The following DIAPH1 variants were observed in gnomAD, a reference collection of about 807,000 sequenced individuals.
The protein encoded by DIAPH1 is protein diaphanous homolog 1.
Under a neutral mutation model 140.7 loss-of-function variants are expected in DIAPH1, and 46 were observed. The observed-to-expected ratio is 0.33, with a 90% CI of 0.26 to 0.42. The LOEUF (loss-of-function observed/expected upper bound fraction) is 0.42, where lower values mean the gene tolerates loss of function less well. Among genes scored for constraint, DIAPH1 ranks in the 10% least tolerant of loss-of-function variants. The pLI is 1.00. For missense variants in DIAPH1, 1,310 were observed against 1,558.7 expected, an observed-to-expected ratio of 0.84 and a Z score of 2.69; for synonymous variants, 565 against 551.6, an observed-to-expected ratio of 1.02 and a Z score of -0.34.
intron 1 of DIAPH1, among the ~76,000 whole-genome samples, chr5:141,617,056 A>T (rs1362578758): frequency 6.6e-6 from 1 of 152,238 alleles, no homozygotes; most frequent in South Asian, 2.1e-4. Flanking sequence ...CAAGTCACTG[A>T]GGTCACCACA....
At chr5:141,572,916 T>A (rs2099895409) in intron 16 of DIAPH1, among the ~76,000 whole-genome samples, 1 of 152,196 alleles carries the variant, frequency 6.6e-6, no homozygotes, top group East Asian at 1.9e-4. Flanking sequence ...TGTGTTACCA[T>A]GGTATTCACA....
intron 27 of DIAPH1, among the ~76,000 whole-genome samples, chr5:141,520,919 G>C (rs1387535593): frequency 6.6e-6 from 1 of 151,978 alleles, no homozygotes; most frequent in Non-Finnish European, 1.5e-5. Flanking sequence ...TTATTTTTTT[G>C]AGATGGAGTC....
At chr5:141,590,912 C>T (rs1004142619) in intron 1 of DIAPH1, among the ~76,000 whole-genome samples, 1 of 152,074 alleles carries the variant, frequency 6.6e-6, no homozygotes, top group Admixed American at 6.6e-5. Context: ...GCCTTCAGTC[C>T]CATCTGCCCC....
Position 141,574,006 on chromosome 5 carries a change from G to C in DIAPH1, c.1844C>G (p.Pro615Arg). 1 of 1,551,242 alleles carries C rather than the reference G, an allele frequency of 6.4e-7. No individual in the cohort carries two copies. The highest frequency in any genetic ancestry group is 1.4e-5 in the African/African-American group (1 of 72,978). The change falls in exon 16 of 28, where the codon CCT becomes CGT. Residue 615 changes from proline to arginine, a missense_variant. Around this residue, in one of 3 missense-constraint regions of DIAPH1, gnomAD observed 589 missense variants for 549.3 expected, o/e 1.07. Transcript: ENST00000389054. ...STTPPPPPPP[P>R]PPPPPLPGGV... The stretch of plus-strand genomic sequence containing the variant: ...CCCAGGCAAAGGAGGTGGAGGAGGA[G>C]GAGGAGGAGGAGGAGGAGGAGGAGT...
At chr5:141,608,844 C>T (rs1379485427) in intron 1 of DIAPH1, among the ~76,000 whole-genome samples, 2 of 152,102 alleles carry the variant, frequency 1.3e-5, no homozygotes, top group Non-Finnish European at 2.9e-5. Context: ...TTTAAGAATA[C>T]CAAACGTCAA....
chr5:141,594,368 C>A (rs1221962285), intron 1 of DIAPH1, among the ~76,000 whole-genome samples: 3 of 152,158 alleles, frequency 2.0e-5, no homozygotes, highest in African/African-American at 7.2e-5. Flanking sequence ...AACCATGGCA[C>A]ATTCAGACAA....
At chr5:141,551,793 C>T (rs1290579163) in intron 18 of DIAPH1, among the ~76,000 whole-genome samples, 3 of 152,162 alleles carry the variant, frequency 2.0e-5, no homozygotes, top group Non-Finnish European at 4.4e-5. Context: ...ACACAATTAA[C>T]AGACAAGAAC....
chr5:141,537,255 G>C (rs377072671), intron 18 of DIAPH1, among the ~76,000 whole-genome samples: 1 of 151,822 alleles, frequency 6.6e-6, no homozygotes, highest in Non-Finnish European at 1.5e-5. Flanking sequence ...AGGCTGAGGC[G>C]GGCGGATCAC....
At chr5:141,561,375 T>A (rs1596368015) in intron 18 of DIAPH1, among the ~76,000 whole-genome samples, 1 of 152,000 alleles carries the variant, frequency 6.6e-6, no homozygotes, top group East Asian at 1.9e-4. Context: ...TTTTTTTTTT[T>A]TTTACATTGG....
At chr5:141,597,162 A>G (rs1019294881) in intron 1 of DIAPH1, among the ~76,000 whole-genome samples, 1 of 152,208 alleles carries the variant, frequency 6.6e-6, no homozygotes, top group Non-Finnish European at 1.5e-5. Flanking sequence ...CCCAGTATTG[A>G]AGGATAAGTC....
chr5:141,527,672 G>A lies in DIAPH1; in HGVS notation c.3174C>T (p.Asn1058=). ...AAATTTGTTTCTTCATCTGATCTAG[G>A]TTCTTTTGCAAGTTTTCAGCAGAAA... ...SRVSAENLQK[N]LDQMKKQISD... Residue 1058 remains asparagine (N), a synonymous_variant, in exon 24 of 28, where the codon AAC becomes AAT. Transcript: ENST00000389054. The A allele has an allele frequency of 7.5e-7, 1 of 1,333,058 alleles. No individual in the cohort carries two copies. Among genetic ancestry groups the A allele is most frequent in the Non-Finnish European group, 1.0e-6 (1 of 973,884 alleles). 82.6% of individuals were successfully genotyped at this position (1,333,058 alleles called of 1,614,324 possible). A position where few individuals can be genotyped will look rare whatever the true frequency, so the allele number is the denominator to read the frequency against.
chr5:141,601,338 C>T (rs188431063), intron 1 of DIAPH1, among the ~76,000 whole-genome samples: 590 of 151,848 alleles, frequency 3.9e-3, no homozygotes, highest in Non-Finnish European at 6.8e-3. Flanking sequence ...GTCACCCAGG[C>T]TAACGTGCGG....
intron 1 of DIAPH1, among the ~76,000 whole-genome samples, chr5:141,599,765 C>A (rs2099899859): frequency 6.6e-6 from 1 of 152,168 alleles, no homozygotes; most frequent in South Asian, 2.1e-4. Flanking sequence ...TCTAAGATGT[C>A]CCCCAAGATT....
At chr5:141,600,453 G>C (rs763141226) in intron 1 of DIAPH1, among the ~76,000 whole-genome samples, 7 of 152,142 alleles carry the variant, frequency 4.6e-5, no homozygotes, top group African/African-American at 1.7e-4. Flanking sequence ...GTAAGTTTGG[G>C]GTGATGTTAT....
chr5:141,585,494 T>C (rs2099897398), intron 3 of DIAPH1, among the ~76,000 whole-genome samples: 1 of 152,144 alleles, frequency 6.6e-6, no homozygotes, highest in African/African-American at 2.4e-5. Flanking sequence ...AATTTTTTTT[T>C]AGTATCAATA....
At chr5:141,606,077 A>C (rs944677133) in intron 1 of DIAPH1, among the ~76,000 whole-genome samples, 1 of 152,200 alleles carries the variant, frequency 6.6e-6, no homozygotes, top group Admixed American at 6.5e-5. Context: ...ATAATTTTAG[A>C]ATAGTCCAAA....
intron 11 of DIAPH1, 189 bp downstream of exon 11, chr5:141,578,036 C>T (rs935596121): frequency 1.5e-5 from 10 of 663,038 alleles, no homozygotes; most frequent in South Asian, 6.6e-5. Flanking sequence ...CCTTTACTGA[C>T]TTCCCTGATC....
chr5:141,551,328 C>A (rs553784587), intron 18 of DIAPH1, among the ~76,000 whole-genome samples: 1 of 152,040 alleles, frequency 6.6e-6, no homozygotes, highest in South Asian at 2.1e-4. Flanking sequence ...CGGTGGCACA[C>A]GCCTGTAGTC....
At position 141,609,244 on chromosome 5, in the gene DIAPH1, C is replaced by T. The variant is rs77770757; in HGVS notation, c.117+9554G>A. On this transcript the variant is annotated intron_variant, in intron 1 of 27. Transcript: ENST00000389054. ...AAGCCTAGTACTTTTTTCCTGCCAA[C>T]TGAACTCTAGGAGAATCCAGTTCAT... 8.7e-4 allele frequency among the ~76,000 whole-genome samples: 130 copies of T among 149,638 alleles called. 1 individual carries two copies. Among genetic ancestry groups the T allele is most frequent in the African/African-American group, 2.9e-3 (120 of 40,826 alleles).
Sources: gnomAD v4.1 joint callset for allele counts (sites outside exome capture counted in the v4.1 genomes callset) on GRCh38, gnomAD v4.1.1 for gene constraint, gnomAD v4.1.1 regional missense constraint, MANE v1.5 for transcripts, NCBI Gene and HGNC (gene_info 2026-07-23, HGNC 2026-07-21) for gene names.